CD164: variants seen among roughly 807,000 people sequenced by gnomAD.
CD164 encodes sialomucin core protein 24.
Under a neutral mutation model 24.6 loss-of-function variants are expected in CD164, and 11 were observed. That is an observed-to-expected ratio of 0.45 (90% CI 0.28 to 0.74). The LOEUF is 0.74. CD164 is among the 30% of genes least tolerant of loss of function. The pLI, the probability that CD164 is intolerant of heterozygous loss-of-function variation, is 0.13. For missense variants in CD164, 295 were observed against 243.7 expected (o/e 1.21, Z -1.40); for synonymous variants, 126 against 100.3 (o/e 1.26, Z -1.53).
At chr6:109,370,244 T>C (rs1771000952) in intron 5 of CD164, among the ~76,000 whole-genome samples, 167 bp downstream of exon 5, 2 of 152,236 alleles carry the variant, frequency 1.3e-5, no homozygotes, top group South Asian at 4.1e-4. Flanking sequence ...AGCAAAGCTA[T>C]CATTATTGTG....
intron 5 of CD164, among the ~76,000 whole-genome samples, chr6:109,369,565 T>C (rs1300240717): frequency 1.3e-5 from 2 of 152,146 alleles, no homozygotes; most frequent in Non-Finnish European, 2.9e-5. Context: ...AAAAAACAAA[T>C]ATCTGAATTC....
intron 1 of CD164, chr6:109,381,523 A>G (rs1406639943): frequency 1.0e-5 from 7 of 702,502 alleles, no homozygotes; most frequent in South Asian, 5.9e-5. Context: ...TAGCCTTAGG[A>G]TACGTACGCA....
In CD164 at chr6:109,368,686, G is replaced by C; in HGVS notation, c.*165C>G. 4.3e-6 allele frequency: 6 copies of C among 1,379,944 alleles called. 1 individual carries two copies. Among genetic ancestry groups the C allele is most frequent in the South Asian group, 3.8e-5 (2 of 52,870 alleles). The allele number at this position is 1,379,944 out of a possible 1,614,324, so 85.5% of individuals were successfully genotyped here. A position where few individuals can be genotyped will look rare whatever the true frequency, so the allele number is the denominator to read the frequency against. On this transcript the variant is annotated 3_prime_UTR_variant, in exon 6 of 6. Transcript: ENST00000310786. Reference sequence around the variant, plus strand: ...TCCTGTTGAACACAATGATTTAATTGATTTTTTCTTCACGGATGATGCTCC... The same window carrying C: ...TCCTGTTGAACACAATGATTTAATTCATTTTTTCTTCACGGATGATGCTCC...
At chr6:109,379,367 T>C (rs1771604606) in intron 2 of CD164, among the ~76,000 whole-genome samples, 1 of 152,144 alleles carries the variant, frequency 6.6e-6, no homozygotes, top group Non-Finnish European at 1.5e-5. Context: ...GAGCTTTAAT[T>C]ATCAAGTCTT....
chr6:109,368,429 C>G lies in CD164; in HGVS notation c.*422G>C. On this transcript the variant is annotated 3_prime_UTR_variant, in exon 6 of 6. Coordinates refer to ENST00000310786, the MANE Select transcript of CD164 (RefSeq NM_006016.6). ...TTTATTCCACTTTTGAAATGACAGC[C>G]AAAAATCCACCTAATTGATTCTCAT... The G allele has an allele frequency of 3.6e-6, 5 of 1,404,246 alleles. No individual in the cohort carries two copies. The South Asian group carries it at 8.3e-5, about 23-fold the overall frequency. The allele number at this position is 1,404,246 out of a possible 1,614,324, so 87.0% of individuals were successfully genotyped here.
chr6:109,372,209 C>A (rs535830028), intron 4 of CD164: 1 of 152,130 alleles, frequency 6.6e-6, no homozygotes, highest in Admixed American at 6.5e-5. Flanking sequence ...CCAAATTCTA[C>A]TAATATAAAA....
chr6:109,369,105 A>T, intron 5 of CD164, 88 bp from the exon 6 acceptor site: 1 of 1,154,182 alleles, frequency 8.7e-7, no homozygotes, highest in Non-Finnish European at 1.2e-6. Context: ...CTATTTTGCC[A>T]TGTGTTAAAT....
chr6:109,368,391 C>G lies in CD164; in HGVS notation c.*460G>C. ...AATCTAAGGATACCATTTAGTACTACTAAATTAATAAATTTATTCCACTTT... is the reference window on the plus strand; with the variant it reads ...AATCTAAGGATACCATTTAGTACTAGTAAATTAATAAATTTATTCCACTTT... On this transcript the variant is annotated 3_prime_UTR_variant, in exon 6 of 6. Coordinates refer to ENST00000310786, the MANE Select transcript of CD164 (RefSeq NM_006016.6). 6.8e-7 allele frequency: 1 copy of G among 1,472,698 alleles called. No individual in the cohort carries two copies. Among genetic ancestry groups the G allele is most frequent in the Non-Finnish European group, 9.0e-7 (1 of 1,112,578 alleles). 91.2% of individuals were successfully genotyped at this position (1,472,698 alleles called of 1,614,324 possible). A position where few individuals can be genotyped will look rare whatever the true frequency, so the allele number is the denominator to read the frequency against.
At chr6:109,380,242 T>G (rs1265832375) in intron 1 of CD164, 8 of 152,260 alleles carry the variant, frequency 5.3e-5, no homozygotes, top group Admixed American at 5.2e-4. Flanking sequence ...CATATTCAAG[T>G]GCATACAATT....
At chr6:109,377,239 G>C (rs927387781) in intron 3 of CD164, among the ~76,000 whole-genome samples, 1 of 152,082 alleles carries the variant, frequency 6.6e-6, no homozygotes, top group South Asian at 2.1e-4. Flanking sequence ...CATTGGGATG[G>C]GGCAACCCCT....
In CD164 at chr6:109,382,408, A is replaced by T; in HGVS notation, c.-30T>A. ...TCCTCAGCGCTGGCGTTCGGGAGAA[A>T]GCTAAGGCTCGCAACGCTCAGTCAA... On this transcript the variant is annotated 5_prime_UTR_variant, in exon 1 of 6. Coordinates refer to ENST00000310786, the MANE Select transcript of CD164 (RefSeq NM_006016.6). 1 of 1,487,446 alleles carries T rather than the reference A, an allele frequency of 6.7e-7. No homozygotes were observed. Among genetic ancestry groups the T allele is most frequent in the Non-Finnish European group, 9.0e-7 (1 of 1,117,074 alleles). 92.1% of individuals were successfully genotyped at this position (1,487,446 alleles called of 1,614,324 possible).
intron 2 of CD164, among the ~76,000 whole-genome samples, chr6:109,379,051 A>C (rs757574267): frequency 1.3e-5 from 2 of 152,228 alleles, no homozygotes; most frequent in Non-Finnish European, 2.9e-5. Flanking sequence ...TATTAACAAA[A>C]GCACAGGAAG....
chr6:109,369,261 TCTC>T (rs1180221030), intron 5 of CD164, among the ~76,000 whole-genome samples: 1 of 152,212 alleles, frequency 6.6e-6, no homozygotes, highest in Non-Finnish European at 1.5e-5. Flanking sequence ...TGGGAAAAAT[TCTC>T]CTAGTACATA....
Position 109,382,283 on chromosome 6 carries a change from G to T in CD164, c.96C>A (p.Asn32Lys), listed in dbSNP as rs776647199. ...SADKNTTQHP[N>K]VTTLAPISNV... ...TGGAGATGGGCGCTAAAGTCGTCACGTTCGGGTGCTGGGTCGTGTTCTTGT... is the reference window on the plus strand; with the variant it reads ...TGGAGATGGGCGCTAAAGTCGTCACTTTCGGGTGCTGGGTCGTGTTCTTGT... Residue 32 changes from asparagine (N) to lysine (K), a missense_variant, in exon 1 of 6, where the codon AAC becomes AAA. Physicochemically the swap from Asn to Lys is moderately conservative, Grantham distance 94. Coordinates refer to ENST00000310786, the MANE Select transcript of CD164 (RefSeq NM_006016.6). 66 of 1,587,532 alleles carry T rather than the reference G, an allele frequency of 4.2e-5. No homozygotes were observed. The highest frequency in any genetic ancestry group is 5.4e-5 in the Non-Finnish European group (63 of 1,169,686).
intron 4 of CD164, among the ~76,000 whole-genome samples, chr6:109,374,573 T>G (rs1771289120): frequency 1.3e-5 from 2 of 152,186 alleles, no homozygotes; most frequent in Admixed American, 1.3e-4. Flanking sequence ...CCAGAATAAG[T>G]TGTTTTATTA....
In CD164 at chr6:109,368,806, G is replaced by A. The variant is rs1177462364; in HGVS notation, c.*45C>T. 6.4e-7 allele frequency: 1 copy of A among 1,571,966 alleles called. No individual in the cohort carries two copies. The highest frequency in any genetic ancestry group is 2.1e-5 in the Admixed American group (1 of 48,606). ...AAAGATAGTATTTTGGCTTCAGTGA[G>A]TTACACAAATGAATCACCAGTCCTT... On this transcript the variant is annotated 3_prime_UTR_variant, in exon 6 of 6. Transcript: ENST00000310786.
intron 1 of CD164, chr6:109,381,497 T>A (rs1465941372): frequency 1.4e-6 from 1 of 702,396 alleles, no homozygotes; most frequent in African/African-American, 1.7e-5. Flanking sequence ...TAGGTTTCAC[T>A]ACCTACCTTC....
intron 4 of CD164, among the ~76,000 whole-genome samples, chr6:109,375,617 CAAAA>C (rs58138405): frequency 2.5e-4 from 18 of 71,398 alleles, no homozygotes; most frequent in African/African-American, 6.3e-4. Flanking sequence ...ACTTCGCTTC[CAAAA>C]AAAAAAAAAG....
In CD164 at chr6:109,382,377, ATC is replaced by A; in HGVS notation, c.-1_1del. On this transcript the variant is annotated start_lost and 5_prime_UTR_variant, in exon 1 of 6. Coordinates refer to ENST00000310786, the MANE Select transcript of CD164 (RefSeq NM_006016.6). ...AAGCAGTGAGCGGGAGAGCCGCGACATCGTGTCCTCAGCGCTGGCGTTCGGGA... is the reference window on the plus strand; with the variant it reads ...AAGCAGTGAGCGGGAGAGCCGCGACAGTGTCCTCAGCGCTGGCGTTCGGGA... 6.5e-7 allele frequency: 1 copy of A among 1,537,362 alleles called. No individual in the cohort carries two copies. The highest frequency in any genetic ancestry group is 8.7e-7 in the Non-Finnish European group (1 of 1,147,222).
Sources: allele counts gnomAD v4.1 joint callset (sites outside exome capture counted in the v4.1 genomes callset), GRCh38; gene constraint gnomAD v4.1.1; transcripts MANE v1.5; gene names NCBI Gene and HGNC (gene_info 2026-07-23, HGNC 2026-07-21).